Variants in SMYD3 observed in about 807,000 individuals in gnomAD.
The protein encoded by SMYD3 is histone-lysine N-methyltransferase SMYD3.
In SMYD3, 36 loss-of-function variants were observed where a neutral mutation model predicts 57.7. The ratio of observed to expected loss-of-function variants is 0.62; its 90% CI spans 0.48 to 0.82. The LOEUF is 0.82. Ranked by LOEUF, SMYD3 falls within the 40% of genes least tolerant of loss-of-function variation. SMYD3 has a pLI of 0.00. For missense variants in SMYD3, 515 were observed against 538.8 expected, an observed-to-expected ratio of 0.96 and a Z score of 0.44; for synonymous variants, 211 against 195.0, an observed-to-expected ratio of 1.08 and a Z score of -0.68.
At chr1:246,226,456 T>C (rs1173153955) in intron 5 of SMYD3, among the ~76,000 whole-genome samples, 2 of 152,230 alleles carry the variant, frequency 1.3e-5, no homozygotes. Flanking sequence ...GCTAGAATAA[T>C]TATAAATTAC....
In SMYD3 at chr1:246,035,876, T is replaced by C. The variant is rs567471139; in HGVS notation, c.532-105939A>G. On this transcript the variant is annotated intron_variant, in intron 5 of 11. Coordinates refer to ENST00000490107, the MANE Select transcript of SMYD3 (RefSeq NM_001167740.2). ...TACTTGTTGATAATCCACCATTTTC[T>C]CCACATCAAAATAAATATTCTAAAG... Among the ~76,000 whole-genome samples, 311 of 152,282 alleles carry C rather than the reference T, an allele frequency of 2.0e-3. 2 individuals carry two copies. Among genetic ancestry groups the C allele is most frequent in the Non-Finnish European group, 3.6e-3 (245 of 68,024 alleles).
intron 5 of SMYD3, among the ~76,000 whole-genome samples, chr1:246,253,111 G>A (rs867169658): frequency 6.6e-6 from 1 of 151,676 alleles, no homozygotes; most frequent in Non-Finnish European, 1.5e-5. Context: ...ATTTTTCTGG[G>A]ATTGTTGTGT....
chr1:246,427,524 A>AT (rs1399517204), intron 1 of SMYD3, among the ~76,000 whole-genome samples: 28 of 146,828 alleles, frequency 1.9e-4, no homozygotes, highest in South Asian at 2.1e-4. Flanking sequence ...CGTCTCAAAA[A>AT]AAAAAAAAAT....
intron 5 of SMYD3, among the ~76,000 whole-genome samples, chr1:245,963,225 A>C (rs1305007370): frequency 6.6e-6 from 1 of 152,242 alleles, no homozygotes; most frequent in Non-Finnish European, 1.5e-5. Flanking sequence ...AAAAACTCAC[A>C]ATACCACTTT....
chr1:246,222,110 C>G (rs1261949968), intron 5 of SMYD3, among the ~76,000 whole-genome samples: 1 of 151,930 alleles, frequency 6.6e-6, no homozygotes, highest in African/African-American at 2.4e-5. Context: ...TCAGAGCAAC[C>G]CAAACATAAC....
chr1:246,352,159 A>AAAAAC (rs2065841517), intron 2 of SMYD3, among the ~76,000 whole-genome samples: 10 of 137,944 alleles, frequency 7.2e-5, no homozygotes, highest in African/African-American at 2.7e-4. Context: ...AAAAAAAAAA[A>AAAAAC]AAAACATAAA....
At chr1:246,506,978 G>GCCCCCCCCCCCCCCCCCCCCCCC in intron 1 of SMYD3, 76 bp downstream of exon 1, 4 of 1,174,504 alleles carry the variant, frequency 3.4e-6, no homozygotes, top group East Asian at 3.5e-5. Context: ...CGCGGCTGCC[G>GCCCCCCCCCCCCCCCCCCCCCCC]GCCGCCCGAC....
chr1:245,772,969 C>T (rs935237028), intron 10 of SMYD3, among the ~76,000 whole-genome samples: 26 of 151,796 alleles, frequency 1.7e-4, no homozygotes, highest in South Asian at 1.2e-3. Flanking sequence ...GTATACAACT[C>T]CATACGAACA....
chr1:245,774,963 G>A (rs1309306693), intron 10 of SMYD3, among the ~76,000 whole-genome samples: 5 of 152,218 alleles, frequency 3.3e-5, no homozygotes, highest in Non-Finnish European at 7.4e-5. Context: ...TCGGCCTCCC[G>A]GAGGTGCAGG....
chr1:246,143,578 G>T (rs530580304), intron 5 of SMYD3, among the ~76,000 whole-genome samples: 39 of 152,226 alleles, frequency 2.6e-4, no homozygotes, highest in African/African-American at 8.9e-4. Context: ...TGAGGTGGGA[G>T]GATCACTTGA....
intron 5 of SMYD3, among the ~76,000 whole-genome samples, chr1:246,044,378 A>C (rs6426266): frequency 0.015 from 2,212 of 152,328 alleles, 31 homozygotes; most frequent in South Asian, 0.034. Context: ...CTCCATGTCA[A>C]ATGGAGATAT....
intron 5 of SMYD3, among the ~76,000 whole-genome samples, chr1:245,993,454 G>C (rs180756065): frequency 6.6e-6 from 1 of 152,042 alleles, no homozygotes; most frequent in African/African-American, 2.4e-5. Flanking sequence ...AAAAATAGGA[G>C]CCAAGCATGG....
intron 5 of SMYD3, among the ~76,000 whole-genome samples, chr1:245,936,613 G>A (rs755137181): frequency 5.9e-5 from 9 of 152,202 alleles, no homozygotes; most frequent in African/African-American, 1.7e-4. Flanking sequence ...TGTTGATTAA[G>A]GCCAGGCGCA....
chr1:245,817,756 G>A (rs1396042570), intron 10 of SMYD3, among the ~76,000 whole-genome samples: 2 of 152,164 alleles, frequency 1.3e-5, no homozygotes, highest in East Asian at 1.9e-4. Context: ...GAATGCAGAA[G>A]CCTCAGGAGC....
chr1:246,137,495 C>T lies in SMYD3; in HGVS notation c.531+189706G>A, dbSNP rs529394082. On this transcript the variant is annotated intron_variant, in intron 5 of 11. Transcript: ENST00000490107. ...CTGATGCGACATTTTTACTCTCACA[C>T]GGTGAGTAGCAATTTTCAAGGTTCA... is the stretch of plus-strand genomic sequence containing the variant. 9.8e-5 allele frequency among the ~76,000 whole-genome samples: 15 copies of T among 152,292 alleles called. 1 individual carries two copies. Among genetic ancestry groups the T allele is most frequent in the South Asian group, 2.1e-4 (1 of 4,826 alleles).
chr1:246,211,842 A>G (rs1432828034), intron 5 of SMYD3, among the ~76,000 whole-genome samples: 1 of 152,072 alleles, frequency 6.6e-6, no homozygotes, highest in East Asian at 1.9e-4. Flanking sequence ...TGTTTATTGA[A>G]TATCTACTGT....
chr1:245,880,118 A>G (rs955327907), intron 8 of SMYD3, among the ~76,000 whole-genome samples: 3 of 151,762 alleles, frequency 2.0e-5, no homozygotes, highest in Admixed American at 6.6e-5. Context: ...TGCTGTACAC[A>G]CTAGAGATAG....
intron 1 of SMYD3, among the ~76,000 whole-genome samples, chr1:246,398,675 G>A (rs2066715731): frequency 6.6e-6 from 1 of 152,226 alleles, no homozygotes; most frequent in Non-Finnish European, 1.5e-5. Context: ...AGAGCACAAA[G>A]AGGGAGACAC....
At chr1:246,006,198 G>C (rs1334944611) in intron 5 of SMYD3, among the ~76,000 whole-genome samples, 1 of 152,124 alleles carries the variant, frequency 6.6e-6, no homozygotes, top group Non-Finnish European at 1.5e-5. Context: ...AAGCCCCAAA[G>C]TGGATTTTAA....
Sources: gnomAD v4.1 joint callset for allele counts (sites outside exome capture counted in the v4.1 genomes callset) on GRCh38, gnomAD v4.1.1 for gene constraint, MANE v1.5 for transcripts, NCBI Gene and HGNC (gene_info 2026-07-23, HGNC 2026-07-21) for gene names.